The following CEBPZ variants were observed in gnomAD, a reference collection of about 807,000 sequenced individuals.
The protein encoded by CEBPZ is CCAAT enhancer binding protein zeta.
CEBPZ carries 78 observed loss-of-function variants against 104.5 expected under a neutral mutation model. That is an observed-to-expected ratio of 0.75 (90% CI 0.62 to 0.90). CEBPZ has a LOEUF of 0.90. Ranked by LOEUF, CEBPZ falls within the 40% of genes least tolerant of loss-of-function variation. The pLI is 0.00. For missense variants in CEBPZ, 1,439 were observed against 1,233.5 expected (o/e 1.17, Z -2.50); for synonymous variants, 470 against 427.0 (o/e 1.10, Z -1.24).
chr2:37,210,904 T>C, intron 13 of CEBPZ, 95 bp downstream of exon 13: 1 of 716,048 alleles, frequency 1.4e-6, no homozygotes, highest in East Asian at 3.1e-5. Context: ...CCCTGAATTT[T>C]ATTAATCAAA....
At chr2:37,202,209 TAA>T (rs138011105) in intron 15 of CEBPZ, 1 of 190,076 alleles carries the variant, frequency 5.3e-6, no homozygotes, top group Non-Finnish European at 1.0e-5. Flanking sequence ...CCCACTTCCC[TAA>T]AAAAAAGTAA....
intron 1 of CEBPZ, 189 bp downstream of exon 1, chr2:37,231,223 C>T: frequency 1.3e-6 from 1 of 770,356 alleles, no homozygotes; most frequent in Non-Finnish European, 2.3e-6. Flanking sequence ...ACGTTCAATT[C>T]GAAACTTTTC....
intron 4 of CEBPZ, among the ~76,000 whole-genome samples, chr2:37,221,406 G>T (rs946465838): frequency 6.6e-6 from 1 of 152,210 alleles, no homozygotes; most frequent in Non-Finnish European, 1.5e-5. Flanking sequence ...GGCCAAAGAG[G>T]TGGAAACGTT....
intron 13 of CEBPZ, chr2:37,209,497 A>G (rs901927091): frequency 2.0e-5 from 3 of 152,204 alleles, no homozygotes; most frequent in African/African-American, 7.2e-5. Context: ...CCAAATACTT[A>G]CAACCATCTG....
At chr2:37,223,771 A>G (rs2148360202) in intron 2 of CEBPZ, among the ~76,000 whole-genome samples, 1 of 152,356 alleles carries the variant, frequency 6.6e-6, no homozygotes, top group East Asian at 1.9e-4. Flanking sequence ...AAAGCAGAAC[A>G]TTAGAAGATT....
intron 2 of CEBPZ, 48 bp from the exon 3 acceptor site, chr2:37,223,449 AC>A (rs777072775): frequency 6.7e-7 from 1 of 1,491,678 alleles, no homozygotes; most frequent in East Asian, 2.3e-5. Flanking sequence ...AACCATCTCC[AC>A]AACCAATGGT....
intron 4 of CEBPZ, among the ~76,000 whole-genome samples, chr2:37,221,208 TG>T: frequency 6.7e-6 from 1 of 150,158 alleles, no homozygotes; most frequent in South Asian, 2.1e-4. Flanking sequence ...CCCGGCTACC[TG>T]GGAGGCTGAG....
intron 13 of CEBPZ, chr2:37,210,341 A>G (rs1289960730): frequency 6.6e-6 from 1 of 152,252 alleles, no homozygotes; most frequent in Non-Finnish European, 1.5e-5. Flanking sequence ...TAGTAGCACA[A>G]TCTGCAATTG....
rs1433698248 is a variant in CEBPZ, at chr2:37,228,007, T to C, written c.1186A>G (p.Asn396Asp). 1 of 1,614,198 alleles carries C rather than the reference T, an allele frequency of 6.2e-7. No homozygotes were observed. The highest frequency in any genetic ancestry group is 1.7e-5 in the Admixed American group (1 of 60,020). Residue 396 changes from asparagine to aspartate, a missense_variant, in exon 2 of 16, where the codon AAC becomes GAC. Physicochemically the swap from Asn to Asp is conservative, Grantham distance 23 (BLOSUM62 1). Coordinates refer to ENST00000234170, the MANE Select transcript of CEBPZ (RefSeq NM_005760.3). ...QVVNKLGDPQ[N>D]RIATKASHLL... ...TGGGATGCTTTTGTGGCAATTCTGT[T>C]CTGAGGATCTCCCAGTTTATTTACC...
Position 37,202,936 on chromosome 2 carries a change from T to C in CEBPZ, c.2943+14A>G. 6.3e-7 allele frequency: 1 copy of C among 1,592,962 alleles called. No homozygotes were observed. Among genetic ancestry groups the C allele is most frequent in the East Asian group, 2.3e-5 (1 of 44,244 alleles). On this transcript the variant is annotated intron_variant, in intron 14 of 15. Coordinates refer to ENST00000234170, the MANE Select transcript of CEBPZ (RefSeq NM_005760.3). ...TAGAATAGCTAGCTTGTTAAAACAGTACATTAGCCTTACCTCTTCAGCAGA... is the reference window on the plus strand; with the variant it reads ...TAGAATAGCTAGCTTGTTAAAACAGCACATTAGCCTTACCTCTTCAGCAGA...
At chr2:37,211,602 C>A (rs887183197) in intron 12 of CEBPZ, 1 of 441,120 alleles carries the variant, frequency 2.3e-6, no homozygotes, top group South Asian at 4.9e-5. Context: ...TACAGAGAAG[C>A]TAGCTGCTGG....
At position 37,227,847 on chromosome 2, in the gene CEBPZ, G is replaced by C; in HGVS notation, c.1346C>G (p.Ala449Gly). 6.2e-7 allele frequency: 1 copy of C among 1,614,038 alleles called. No individual in the cohort carries two copies. The highest frequency in any genetic ancestry group is 8.5e-7 in the Non-Finnish European group (1 of 1,180,026). The change falls in exon 2 of 16, where the codon GCT becomes GGT. Residue 449 changes from alanine to glycine, a missense_variant. Ala to Gly is a moderately conservative substitution (Grantham distance 60, BLOSUM62 0). Coordinates refer to ENST00000234170, the MANE Select transcript of CEBPZ (RefSeq NM_005760.3). The stretch of plus-strand genomic sequence containing the variant: ...CAATTCACTTTCTTCATGGGACAGA[G>C]CCATTTGATTTAAAAAGCAAATTGC... The part of the protein sequence containing the change: ...YYAICFLNQM[A>G]LSHEESELAN...
At chr2:37,226,107 A>G (rs1664881593) in intron 2 of CEBPZ, among the ~76,000 whole-genome samples, 2 of 151,924 alleles carry the variant, frequency 1.3e-5, no homozygotes, top group African/African-American at 2.4e-5. Context: ...CCGACAGATG[A>G]TCAATAAATA....
In CEBPZ at chr2:37,228,382, T is replaced by C; in HGVS notation, c.811A>G (p.Asn271Asp). The C allele has an allele frequency of 6.2e-7, 1 of 1,614,194 alleles. No individual in the cohort carries two copies. Among genetic ancestry groups the C allele is most frequent in the South Asian group, 1.1e-5 (1 of 91,082 alleles). Residue 271 changes from asparagine (N) to aspartate (D), a missense_variant, in exon 2 of 16, where the codon AAC becomes GAC. Asn to Asp is a conservative substitution (Grantham distance 23). Transcript: ENST00000234170. ...HTLQFVETLV[N>D]LVKKKGSKQQ... ...TTGCTGCCCTTCTTTTTAACAAGGT[T>C]CACAAGAGTTTCTACAAACTGAAGT...
chr2:37,220,033 C>A (rs1473170721), intron 5 of CEBPZ, among the ~76,000 whole-genome samples: 1 of 152,144 alleles, frequency 6.6e-6, no homozygotes, highest in Admixed American at 6.5e-5. Flanking sequence ...AAATATACAG[C>A]ATAGGCCGGG....
At chr2:37,224,793 C>T (rs962733310) in intron 2 of CEBPZ, among the ~76,000 whole-genome samples, 24 of 152,090 alleles carry the variant, frequency 1.6e-4, no homozygotes, top group African/African-American at 5.6e-4. Context: ...GTGAAGGATT[C>T]CTAATAAAAC....
chr2:37,223,742 T>G (rs991537893), intron 2 of CEBPZ, among the ~76,000 whole-genome samples: 1 of 152,226 alleles, frequency 6.6e-6, no homozygotes, highest in Non-Finnish European at 1.5e-5. Flanking sequence ...TAAAACCAGA[T>G]AGTGAAAACT....
intron 13 of CEBPZ, chr2:37,209,740 G>A (rs1677659907): frequency 6.6e-6 from 1 of 152,126 alleles, no homozygotes; most frequent in Non-Finnish European, 1.5e-5. Context: ...TAGAGTTCAT[G>A]ACCAAGAACC....
At chr2:37,217,762 C>T (rs930756489) in intron 5 of CEBPZ, among the ~76,000 whole-genome samples, 2 of 150,306 alleles carry the variant, frequency 1.3e-5, no homozygotes, top group Admixed American at 6.6e-5. Flanking sequence ...ATTAGCCGGG[C>T]GTGGTGGCGG....
Sources: gnomAD v4.1 joint callset for allele counts (sites outside exome capture counted in the v4.1 genomes callset) on GRCh38, gnomAD v4.1.1 for gene constraint, MANE v1.5 for transcripts, NCBI Gene and HGNC (gene_info 2026-07-23, HGNC 2026-07-21) for gene names.